Variants in HABP4 observed in about 807,000 individuals in gnomAD.
HABP4 encodes the protein hyaluronan binding protein 4.
HABP4 carries 32 observed loss-of-function variants against 44.1 expected under a neutral mutation model. That is an observed-to-expected ratio of 0.73 (90% CI 0.55 to 0.97). The LOEUF is 0.97. Ranked by LOEUF, HABP4 falls within the 50% of genes least tolerant of loss-of-function variation. The pLI is 0.00. For synonymous variants in HABP4, 216 were observed against 218.0 expected (o/e 0.99, Z 0.08); for missense variants, 503 against 561.9 (o/e 0.90, Z 1.06).
chr9:96,488,696 C>T lies in HABP4; in HGVS notation c.1185+422C>T, dbSNP rs1350741672. 1.3e-5 allele frequency among the ~76,000 whole-genome samples: 2 copies of T among 152,180 alleles called. No individual in the cohort carries two copies. The highest frequency in any genetic ancestry group is 2.9e-5 in the Non-Finnish European group (2 of 68,038). ...GACCTTCCTCAACCCCTCCCCGGCTCACCTGCCTCACACCGTCCTCAGCCA... is the reference window on the plus strand; with the variant it reads ...GACCTTCCTCAACCCCTCCCCGGCTTACCTGCCTCACACCGTCCTCAGCCA... On this transcript the variant is annotated intron_variant, in intron 7 of 7. Transcript: ENST00000375249. This position sits in a 1 kb window ranked among gnomAD's most constrained non-coding sequence, Gnocchi z 4.6.
At chr9:96,481,467 G>A (rs1022052039) in intron 5 of HABP4, among the ~76,000 whole-genome samples, 9 of 152,094 alleles carry the variant, frequency 5.9e-5, no homozygotes, top group African/African-American at 2.2e-4. Context: ...TATAGGCCAG[G>A]TGTGGTGGTT....
chr9:96,488,178 C>A lies in HABP4; in HGVS notation c.1089C>A (p.Asn363Lys), dbSNP rs747397258. 9.9e-6 allele frequency: 16 copies of A among 1,612,746 alleles called. No individual in the cohort carries two copies. Among genetic ancestry groups the A allele is most frequent in the Non-Finnish European group, 1.4e-5 (16 of 1,178,724 alleles). ...ITSQLEINFG[N>K]LPRPGRGARG... ...CCCAGCTGGAGATTAATTTTGGTAACCTCCCTCGTCCTGGGCGTGGAGCCA... is the reference window on the plus strand; with the variant it reads ...CCCAGCTGGAGATTAATTTTGGTAAACTCCCTCGTCCTGGGCGTGGAGCCA... The change falls in exon 7 of 8, where the codon AAC becomes AAA. Residue 363 changes from asparagine to lysine, a missense_variant. Physicochemically the swap from Asn to Lys is moderately conservative, Grantham distance 94 (BLOSUM62 0). This residue lies in a region of HABP4 where 82 missense variants were observed against 71.6 expected (regional missense o/e 1.15). Coordinates refer to ENST00000375249, the MANE Select transcript of HABP4 (RefSeq NM_014282.4). This position sits in a 1 kb window ranked among gnomAD's most constrained non-coding sequence, Gnocchi z 4.6.
chr9:96,459,915 C>T (rs1832469845), intron 2 of HABP4, among the ~76,000 whole-genome samples: 2 of 152,112 alleles, frequency 1.3e-5, no homozygotes. Flanking sequence ...AATTTTGCAC[C>T]TTTTTTGGTG....
chr9:96,468,351 A>G (rs1275460853), intron 4 of HABP4, among the ~76,000 whole-genome samples: 1 of 149,300 alleles, frequency 6.7e-6, no homozygotes, highest in Non-Finnish European at 1.5e-5. Flanking sequence ...TCTCCCTCCC[A>G]GGTTCAAGCG....
Position 96,471,080 on chromosome 9 carries a change from G to C in HABP4, c.813G>C (p.Glu271Asp). 6.4e-7 allele frequency: 1 copy of C among 1,570,708 alleles called. No individual in the cohort carries two copies. Among genetic ancestry groups the C allele is most frequent in the Non-Finnish European group, 8.8e-7 (1 of 1,140,406 alleles). The change falls in exon 5 of 8, where the codon GAG becomes GAC. Residue 271 changes from glutamate to aspartate, a missense_variant. By Grantham distance (45) the Glu-to-Asp change is conservative (BLOSUM62 2). Coordinates refer to ENST00000375249, the MANE Select transcript of HABP4 (RefSeq NM_014282.4). ...AGGAGTCCCAGGGCACCCCGGAAGA[G>C]GAGTCTCCAGCCAAGTAGGGCATTT... ...VVEESQGTPE[E>D]ESPAKVPELE...
At chr9:96,456,781 ATATATATATATATATATATAT>A (rs1221270659) in intron 1 of HABP4, among the ~76,000 whole-genome samples, 3 of 30,142 alleles carry the variant, frequency 1.0e-4, no homozygotes, top group African/African-American at 1.4e-4. Flanking sequence ...AAAAAAAAAA[ATATATATATATATATATATAT>A]ATATATATAT....
At chr9:96,472,984 T>C (rs755462440) in intron 5 of HABP4, among the ~76,000 whole-genome samples, 3 of 152,230 alleles carry the variant, frequency 2.0e-5, no homozygotes, top group Non-Finnish European at 4.4e-5. Flanking sequence ...GCTCTTCTTT[T>C]CCTTCTGCCT....
intron 6 of HABP4, among the ~76,000 whole-genome samples, chr9:96,487,551 A>T (rs1190299241): frequency 6.6e-6 from 1 of 152,222 alleles, no homozygotes; most frequent in Non-Finnish European, 1.5e-5. Flanking sequence ...ATTATAAATC[A>T]TGTGATTTTT....
chr9:96,486,327 T>G (rs1832976343), intron 6 of HABP4, among the ~76,000 whole-genome samples: 1 of 152,224 alleles, frequency 6.6e-6, no homozygotes, highest in South Asian at 2.1e-4. Flanking sequence ...GGCCGGAGCT[T>G]TATTTCCCTG....
In HABP4 at chr9:96,450,605, C is replaced by T; in HGVS notation, c.326C>T (p.Pro109Leu). Residue 109 changes from proline to leucine, a missense_variant, in exon 1 of 8, where the codon CCC (proline) becomes CTC (leucine). Pro to Leu is a moderately conservative substitution (Grantham distance 98). Around this residue, in one of 3 missense-constraint regions of HABP4, gnomAD observed 290 missense variants for 300.5 expected, o/e 0.97. Coordinates refer to ENST00000375249, the MANE Select transcript of HABP4 (RefSeq NM_014282.4). The surrounding 1 kb of genome is among the most constrained non-coding windows in gnomAD (Gnocchi z 4.8). ...PAPVAQRPDS[P>L]GGGLQAPGQK... is the part of the protein sequence containing the mutation. ...CCCGTCGCTCAGCGGCCCGATAGCC[C>T]CGGGGGCGGCCTGCAGGCGCCGGGT... 1 of 1,271,302 alleles carries T rather than the reference C, an allele frequency of 7.9e-7. No homozygotes were observed. The allele number at this position is 1,271,302 out of a possible 1,614,324, so 78.8% of individuals were successfully genotyped here.
At chr9:96,460,928 T>G (rs1044097958) in intron 2 of HABP4, among the ~76,000 whole-genome samples, 4 of 152,154 alleles carry the variant, frequency 2.6e-5, no homozygotes, top group Non-Finnish European at 5.9e-5. Context: ...ATAAAAACAC[T>G]CTTAATAAAT....
At chr9:96,459,437 G>A (rs557667490) in intron 2 of HABP4, among the ~76,000 whole-genome samples, 2 of 152,274 alleles carry the variant, frequency 1.3e-5, no homozygotes, top group South Asian at 4.1e-4. Context: ...TGGCAGCATG[G>A]TGGCCACCGC....
rs141828214 is a variant in HABP4 at position 96,466,448 on chromosome 9, C to A, written c.743+670C>A. Among the ~76,000 whole-genome samples the A allele has an allele frequency of 5.6e-4, 85 of 152,272 alleles. 3 individuals carry two copies. The East Asian group carries it at 7.7e-3, about 14-fold the overall frequency. On this transcript the variant is annotated intron_variant, in intron 4 of 7. Transcript: ENST00000375249. ...ACAAGATCTCACTATGTTGCCCACA[C>A]TGGTCTTGAACTCCTGGGCTCAGGC... is the stretch of plus-strand genomic sequence containing the variant.
intron 1 of HABP4, among the ~76,000 whole-genome samples, chr9:96,454,473 C>T (rs1194037345): frequency 7.7e-6 from 1 of 130,370 alleles, no homozygotes; most frequent in East Asian, 2.3e-4. Context: ...TTTTTTGAGA[C>T]GGAGTCTCGC....
rs575372085 is a variant in HABP4, at chr9:96,488,683, C to T, written c.1185+409C>T. ...CCCTTTGTGAGGGGACCTTCCTCAA[C>T]CCCTCCCCGGCTCACCTGCCTCACA... On this transcript the variant is annotated intron_variant, in intron 7 of 7. Coordinates refer to ENST00000375249, the MANE Select transcript of HABP4 (RefSeq NM_014282.4). The surrounding 1 kb of genome is among the most constrained non-coding windows in gnomAD (Gnocchi z 4.6). Among the ~76,000 whole-genome samples, 1 of 152,244 alleles carries T rather than the reference C, an allele frequency of 6.6e-6. No homozygotes were observed. The highest frequency in any genetic ancestry group is 1.9e-4 in the East Asian group (1 of 5,164).
chr9:96,452,849 A>G lies in HABP4; in HGVS notation c.349+2221A>G, dbSNP rs567518130. On this transcript the variant is annotated intron_variant, in intron 1 of 7. Coordinates refer to ENST00000375249, the MANE Select transcript of HABP4 (RefSeq NM_014282.4). ...TAGACAAAAATAAAACATGTTTGAC[A>G]TATCATAGAAATGTTAATCCTGAAA... 2.0e-5 allele frequency among the ~76,000 whole-genome samples: 3 copies of G among 151,372 alleles called. No individual in the cohort carries two copies. In the South Asian group the frequency reaches 6.2e-4, roughly 31 times the overall value.
At chr9:96,451,224 C>A (rs933819998) in intron 1 of HABP4, among the ~76,000 whole-genome samples, 1 of 152,238 alleles carries the variant, frequency 6.6e-6, no homozygotes, top group African/African-American at 2.4e-5. Context: ...TTCAGTACTT[C>A]GTGTGGTGTT....
chr9:96,460,705 C>T (rs924958438), intron 2 of HABP4, among the ~76,000 whole-genome samples: 1 of 152,192 alleles, frequency 6.6e-6, no homozygotes. Flanking sequence ...TATTTTATAA[C>T]ATGTCCCAGA....
intron 5 of HABP4, among the ~76,000 whole-genome samples, chr9:96,477,920 G>T (rs890650912): frequency 1.3e-5 from 2 of 152,098 alleles, no homozygotes; most frequent in African/African-American, 4.8e-5. Flanking sequence ...AGATTAGTTT[G>T]CAGTTGCTAT....
Sources: gnomAD v4.1 joint callset for allele counts (sites outside exome capture counted in the v4.1 genomes callset) on GRCh38, gnomAD v4.1.1 for gene constraint, gnomAD v4.1.1 regional missense constraint, Gnocchi (gnomAD v3.1) non-coding constraint, MANE v1.5 for transcripts, NCBI Gene and HGNC (gene_info 2026-07-23, HGNC 2026-07-21) for gene names.